The following SPAG16 variants were observed in gnomAD, a reference collection of about 807,000 sequenced individuals.
SPAG16 encodes the protein sperm-associated antigen 16 protein.
Under a neutral mutation model 80.4 loss-of-function variants are expected in SPAG16, and 86 were observed. The observed-to-expected ratio is 1.07, with a 90% CI of 0.90 to 1.28. SPAG16 has a LOEUF of 1.28. SPAG16 is among the 50% of genes most tolerant of loss of function. The probability of loss-of-function intolerance (pLI) is 0.00; values close to 1 mark genes in which losing one functional copy is unlikely to be tolerated. For synonymous variants in SPAG16, 294 were observed against 265.9 expected, an observed-to-expected ratio of 1.11 and a Z score of -1.03; for missense variants, 870 against 765.3, an observed-to-expected ratio of 1.14 and a Z score of -1.61.
intron 9 of SPAG16, among the ~76,000 whole-genome samples, chr2:213,412,310 A>G (rs1362850414): frequency 6.6e-6 from 1 of 152,350 alleles, no homozygotes; most frequent in East Asian, 1.9e-4. Context: ...ACAACACAGC[A>G]GCAGGGGCCA....
At chr2:213,756,193 T>C (rs1411958984) in intron 10 of SPAG16, among the ~76,000 whole-genome samples, 2 of 151,880 alleles carry the variant, frequency 1.3e-5, no homozygotes, top group Non-Finnish European at 2.9e-5. Context: ...AAGAAAAAAG[T>C]CTATGGGCCA....
intron 10 of SPAG16, among the ~76,000 whole-genome samples, chr2:213,682,542 T>C (rs1195079281): frequency 1.3e-5 from 2 of 152,222 alleles, no homozygotes; most frequent in Non-Finnish European, 2.9e-5. Context: ...GCATTCTCTC[T>C]TACAGACTAA....
intron 15 of SPAG16, among the ~76,000 whole-genome samples, chr2:214,398,470 A>C (rs1216604327): frequency 6.6e-6 from 1 of 152,194 alleles, no homozygotes; most frequent in Admixed American, 6.5e-5. Context: ...CTTTAACTCC[A>C]AGTACTCATC....
chr2:213,739,559 T>C (rs960602468), intron 10 of SPAG16, among the ~76,000 whole-genome samples: 1 of 152,218 alleles, frequency 6.6e-6, no homozygotes, highest in Non-Finnish European at 1.5e-5. Context: ...AAAAATTGTT[T>C]TGACACTAAA....
At chr2:213,943,078 G>A (rs550705190) in intron 12 of SPAG16, among the ~76,000 whole-genome samples, 20 of 152,222 alleles carry the variant, frequency 1.3e-4, no homozygotes, top group Non-Finnish European at 2.1e-4. Context: ...GGATCTTCTG[G>A]CCACCTCATC....
chr2:213,443,852 C>G (rs1282655243), intron 9 of SPAG16, among the ~76,000 whole-genome samples: 1 of 152,100 alleles, frequency 6.6e-6, no homozygotes, highest in Non-Finnish European at 1.5e-5. Flanking sequence ...CCTGGATTTA[C>G]CACTGGAGCA....
chr2:213,944,897 G>C (rs182688916), intron 12 of SPAG16, among the ~76,000 whole-genome samples: 89 of 152,124 alleles, frequency 5.9e-4, no homozygotes, highest in Middle Eastern at 3.4e-3. Context: ...AATTAGCCGG[G>C]CGTGGGGGCG....
chr2:213,675,351 T>C (rs931542820), intron 10 of SPAG16, among the ~76,000 whole-genome samples: 61 of 152,210 alleles, frequency 4.0e-4, no homozygotes, highest in Non-Finnish European at 7.3e-4. Context: ...TTCACTCTGA[T>C]GGTAGTTTCT....
chr2:213,816,749 G>A (rs1203000190), intron 10 of SPAG16, among the ~76,000 whole-genome samples: 1 of 151,934 alleles, frequency 6.6e-6, no homozygotes, highest in Non-Finnish European at 1.5e-5. Context: ...CTTTGACAGT[G>A]CATGATAACA....
At position 213,310,003 on chromosome 2, in the gene SPAG16, T is replaced by C. The variant is rs2063117573; in HGVS notation, c.280-56T>C. 6.2e-6 allele frequency: 7 copies of C among 1,131,406 alleles called. No homozygotes were observed. In the South Asian group the frequency reaches 9.5e-5, roughly 15 times the overall value. 70.1% of individuals were successfully genotyped at this position (1,131,406 alleles called of 1,614,324 possible). On this transcript the variant is annotated intron_variant, in intron 3 of 15. Transcript: ENST00000331683. The stretch of plus-strand genomic sequence containing the variant: ...TGAATGAGTCGAAGGCTTATCTATA[T>C]CATTAATTAATGCTTTGATGTTTTC...
chr2:213,290,911 G>A (rs1414985175), intron 1 of SPAG16, among the ~76,000 whole-genome samples: 5 of 151,960 alleles, frequency 3.3e-5, no homozygotes, highest in South Asian at 2.1e-4. Flanking sequence ...CTTTTTTACC[G>A]TCCCAAGGGC....
intron 15 of SPAG16, among the ~76,000 whole-genome samples, chr2:214,386,042 C>T (rs1488548115): frequency 6.6e-6 from 1 of 152,032 alleles, no homozygotes; most frequent in African/African-American, 2.4e-5. Flanking sequence ...CACATATTAT[C>T]TGCCTTTTAT....
chr2:213,618,438 A>G (rs763078381), intron 10 of SPAG16, among the ~76,000 whole-genome samples: 39 of 152,286 alleles, frequency 2.6e-4, no homozygotes, highest in South Asian at 1.7e-3. Context: ...GCCTCCCAAC[A>G]TACAAACAGT....
At chr2:213,645,836 A>C (rs918698552) in intron 10 of SPAG16, among the ~76,000 whole-genome samples, 1 of 152,174 alleles carries the variant, frequency 6.6e-6, no homozygotes, top group African/African-American at 2.4e-5. Context: ...TAAGATTTGT[A>C]GTCCTTATGA....
intron 11 of SPAG16, among the ~76,000 whole-genome samples, chr2:213,903,951 A>C (rs1448499408): frequency 6.6e-6 from 1 of 152,146 alleles, no homozygotes; most frequent in Non-Finnish European, 1.5e-5. Context: ...CTTTGCTAAA[A>C]CATAACAAGA....
intron 12 of SPAG16, among the ~76,000 whole-genome samples, chr2:213,965,121 C>A (rs555830143): frequency 6.6e-6 from 1 of 152,100 alleles, no homozygotes; most frequent in Admixed American, 6.6e-5. Context: ...GCTGACTGTT[C>A]CAATGCAGTC....
intron 5 of SPAG16, among the ~76,000 whole-genome samples, chr2:213,327,867 AATGATG>A (rs967592543): frequency 2.6e-5 from 4 of 152,100 alleles, no homozygotes; most frequent in African/African-American, 9.7e-5. Context: ...AGTATTATGA[AATGATG>A]ATGATGATTA....
chr2:213,955,170 A>G (rs529557018), intron 12 of SPAG16, among the ~76,000 whole-genome samples: 23 of 152,202 alleles, frequency 1.5e-4, no homozygotes, highest in African/African-American at 4.8e-4. Context: ...TGATTTATCA[A>G]TTCTTCAAAG....
At chr2:213,808,266 T>G (rs576096247) in intron 10 of SPAG16, among the ~76,000 whole-genome samples, 15 of 152,180 alleles carry the variant, frequency 9.9e-5, no homozygotes, top group African/African-American at 3.4e-4. Context: ...CATTCAAAAT[T>G]TTGTGGAAGA....
Sources: gnomAD v4.1 joint callset for allele counts (sites outside exome capture counted in the v4.1 genomes callset) on GRCh38, gnomAD v4.1.1 for gene constraint, MANE v1.5 for transcripts, NCBI Gene and HGNC (gene_info 2026-07-23, HGNC 2026-07-21) for gene names.